GPRC5B: variants seen among roughly 807,000 people sequenced by gnomAD.
GPRC5B encodes the protein G protein-coupled receptor class C group 5 member B.
GPRC5B carries 16 observed loss-of-function variants against 30.1 expected under a neutral mutation model. The observed-to-expected ratio is 0.53, with a 90% CI of 0.36 to 0.81. The LOEUF (loss-of-function observed/expected upper bound fraction) is 0.81, where lower values mean the gene tolerates loss of function less well. Among genes scored for constraint, GPRC5B ranks in the 30% least tolerant of loss-of-function variants. The pLI is 0.01. For missense variants in GPRC5B, 428 were observed against 544.7 expected (o/e 0.79, Z 2.13); for synonymous variants, 241 against 239.5 (o/e 1.01, Z -0.06).
intron 2 of GPRC5B, 66 bp from the exon 3 acceptor site, chr16:19,862,039 C>A: frequency 6.5e-7 from 1 of 1,537,186 alleles, no homozygotes; most frequent in East Asian, 2.3e-5. Flanking sequence ...TTTTCTTCCC[C>A]TGCAACAACA....
intron 2 of GPRC5B, among the ~76,000 whole-genome samples, chr16:19,865,831 G>A (rs1381034350): frequency 2.0e-5 from 3 of 152,152 alleles, no homozygotes; most frequent in Non-Finnish European, 2.9e-5. Context: ...TTAGACCAGC[G>A]GTTTCAACCT....
chr16:19,872,624 C>G lies in GPRC5B; in HGVS notation c.222G>C (p.Met74Ile). ...GAGALITLLL[M>I]LILLVRLPFI... ...AGGGCAGCCGCACCAGGAGGATGAG[C>G]ATCAGGAGCAGTGTGATCAGGGCGC... is the stretch of plus-strand genomic sequence containing the variant. The change falls in exon 2 of 4, where the codon ATG becomes ATC. Residue 74 changes from methionine to isoleucine, a missense_variant. Physicochemically the swap from Met to Ile is conservative, Grantham distance 10. Coordinates refer to ENST00000300571, the MANE Select transcript of GPRC5B (RefSeq NM_016235.3). The surrounding 1 kb of genome is among the most constrained non-coding windows in gnomAD (Gnocchi z 5.0). 1 of 1,614,052 alleles carries G rather than the reference C, an allele frequency of 6.2e-7. No individual in the cohort carries two copies.
At position 19,860,365 on chromosome 16, in the gene GPRC5B, TG is replaced by T. The variant is rs1013621757; in HGVS notation, c.*134del. 1 of 632,410 alleles carries T rather than the reference TG, an allele frequency of 1.6e-6. No individual in the cohort carries two copies. 39.2% of individuals were successfully genotyped at this position (632,410 alleles called of 1,614,324 possible). A position where few individuals can be genotyped will look rare whatever the true frequency, so the allele number is the denominator to read the frequency against. On this transcript the variant is annotated 3_prime_UTR_variant, in exon 4 of 4. Transcript: ENST00000300571. ...TGTTCACATTTACACGAAATCCCCT[TG>T]GCTAGGATTTCCAAATTTCCTGGCT...
rs776325415 is a variant in GPRC5B, at chr16:19,861,989, A to G, written c.1031-16T>C. 1.9e-6 allele frequency: 3 copies of G among 1,613,410 alleles called. No homozygotes were observed. Among genetic ancestry groups the G allele is most frequent in the South Asian group, 2.2e-5 (2 of 91,022 alleles). On this transcript the variant is annotated splice_polypyrimidine_tract_variant and intron_variant, in intron 2 of 3. Transcript: ENST00000300571. ...GTTCGGAGAGCTGGGGGAGGGAGGG[A>G]TTGGCAAGACAACATTGCCAAAAAA...
chr16:19,882,516 C>A (rs1304193138), intron 1 of GPRC5B, among the ~76,000 whole-genome samples: 2 of 152,176 alleles, frequency 1.3e-5, no homozygotes, highest in African/African-American at 2.4e-5. Context: ...GATTTTAAAA[C>A]CTGAGCTGCT....
At chr16:19,860,844 C>T (rs1044739085) in intron 3 of GPRC5B, among the ~76,000 whole-genome samples, 4 of 152,056 alleles carry the variant, frequency 2.6e-5, no homozygotes, top group Non-Finnish European at 4.4e-5. Context: ...TTAAGAGTGA[C>T]GGATGGGGGC....
chr16:19,866,631 C>T (rs2056669925), intron 2 of GPRC5B, among the ~76,000 whole-genome samples: 1 of 152,154 alleles, frequency 6.6e-6, no homozygotes, highest in South Asian at 2.1e-4. Flanking sequence ...CTGCCCGCCT[C>T]GGCCTCCCAA....
At chr16:19,876,062 C>T (rs1196997801) in intron 1 of GPRC5B, among the ~76,000 whole-genome samples, 1 of 152,222 alleles carries the variant, frequency 6.6e-6, no homozygotes, top group Non-Finnish European at 1.5e-5. Flanking sequence ...CAAGTTTCAG[C>T]AAGCAATGCT....
intron 1 of GPRC5B, among the ~76,000 whole-genome samples, chr16:19,875,069 C>A (rs1277466194): frequency 6.6e-6 from 1 of 152,154 alleles, no homozygotes; most frequent in Non-Finnish European, 1.5e-5. Context: ...AATGCGGTAT[C>A]GACCACCTCA....
chr16:19,871,279 CT>C lies in GPRC5B; in HGVS notation c.1030+536del, dbSNP rs1180191191. Among the ~76,000 whole-genome samples, 72 of 34,336 alleles carry C rather than the reference CT, an allele frequency of 2.1e-3. No homozygotes were observed. In the Middle Eastern group the frequency reaches 0.044, roughly 21 times the overall value. The allele number at this position is 34,336 out of a possible 152,430, so 22.5% of individuals were successfully genotyped here. A position where few individuals can be genotyped will look rare whatever the true frequency, so the allele number is the denominator to read the frequency against. On this transcript the variant is annotated intron_variant, in intron 2 of 3. Transcript: ENST00000300571. ...CCTGGGCAACAGAACAAGACCCTGT[CT>C]CAAAAAAAAAAAAAAAAAAAGAAAG...
Position 19,881,450 on chromosome 16 carries a change from C to A in GPRC5B, c.-2+3277G>T, listed in dbSNP as rs577889622. Among the ~76,000 whole-genome samples the A allele has an allele frequency of 6.1e-4, 92 of 152,056 alleles. 1 individual carries two copies. Among genetic ancestry groups the A allele is most frequent in the African/African-American group, 2.0e-3 (82 of 41,470 alleles). ...GAAAAGTCAGGTTTGGTGCCCGACA[C>A]AGAGGAAGCAACAGCTTTTTAGTGA... On this transcript the variant is annotated intron_variant, in intron 1 of 3. Transcript: ENST00000300571.
chr16:19,884,916 C>T, upstream of GPRC5B: 1 of 921,310 alleles, frequency 1.1e-6, no homozygotes, highest in Non-Finnish European at 1.3e-6. Context: ...CGGCCGCGGC[C>T]CCGCCCCCGC....
intron 2 of GPRC5B, among the ~76,000 whole-genome samples, chr16:19,862,522 G>A (rs906259884): frequency 2.6e-5 from 4 of 152,084 alleles, no homozygotes; most frequent in East Asian, 1.9e-4. Flanking sequence ...GGGTAAAACC[G>A]GTGTTTCTTA....
chr16:19,872,378 G>T lies in GPRC5B; in HGVS notation c.468C>A (p.Gly156=), dbSNP rs770493151. The part of the protein sequence containing the change: ...RVRRLVRHGT[G]PAGWQLVGLA... ...GGCCCACCAGCTGCCAGCCCGCGGG[G>T]CCCGTGCCATGCCGCACCAGCCTCC... is the stretch of plus-strand genomic sequence containing the variant. Residue 156 remains glycine (G), a synonymous_variant, in exon 2 of 4, where the codon GGC becomes GGA. Coordinates refer to ENST00000300571, the MANE Select transcript of GPRC5B (RefSeq NM_016235.3). The surrounding 1 kb of genome is among the most constrained non-coding windows in gnomAD (Gnocchi z 5.0). 1 of 1,613,468 alleles carries T rather than the reference G, an allele frequency of 6.2e-7. No individual in the cohort carries two copies. The highest frequency in any genetic ancestry group is 8.5e-7 in the Non-Finnish European group (1 of 1,179,708).
chr16:19,885,562 A>G, upstream of GPRC5B: 1 of 1,078,122 alleles, frequency 9.3e-7, no homozygotes, highest in Non-Finnish European at 1.1e-6. The surrounding 1 kb of genome is among the most constrained non-coding windows in gnomAD (Gnocchi z 5.3). Context: ...GTGGGTCCCT[A>G]CGCAGGATCG....
intron 2 of GPRC5B, among the ~76,000 whole-genome samples, chr16:19,866,199 C>CT (rs979845954): frequency 2.0e-4 from 30 of 151,562 alleles, no homozygotes; most frequent in African/African-American, 7.0e-4. Context: ...AGTGCTGGGA[C>CT]TGTGCCCGGC....
chr16:19,883,521 G>T (rs1448266985), intron 1 of GPRC5B, among the ~76,000 whole-genome samples: 1 of 152,270 alleles, frequency 6.6e-6, no homozygotes, highest in Non-Finnish European at 1.5e-5. Context: ...GAATTAAGAA[G>T]GTTCCTTGGC....
chr16:19,880,996 G>A (rs1597636242), intron 1 of GPRC5B: 1 of 152,228 alleles, frequency 6.6e-6, no homozygotes, highest in Admixed American at 6.5e-5. Context: ...GGTAGGCACT[G>A]GAACACAGAA....
chr16:19,864,354 A>G (rs184141540), intron 2 of GPRC5B, among the ~76,000 whole-genome samples: 7 of 152,396 alleles, frequency 4.6e-5, no homozygotes, highest in Admixed American at 4.6e-4. Context: ...CTCTGTTGAA[A>G]GCCAACATTT....
Sources: allele counts gnomAD v4.1 joint callset (sites outside exome capture counted in the v4.1 genomes callset), GRCh38; gene constraint gnomAD v4.1.1; non-coding constraint Gnocchi (gnomAD v3.1); transcripts MANE v1.5; gene names NCBI Gene and HGNC (gene_info 2026-07-23, HGNC 2026-07-21).